The following NCS1 variants were observed in gnomAD, a reference collection of about 807,000 sequenced individuals.
NCS1 encodes frequenin homolog.
In NCS1, 6 loss-of-function variants were observed where a neutral mutation model predicts 28.4. The observed-to-expected ratio is 0.21, with a 90% confidence interval of 0.12 to 0.42. The LOEUF (loss-of-function observed/expected upper bound fraction) is 0.42. NCS1 is among the 10% of genes least tolerant of loss of function. The pLI is 1.00. For synonymous variants in NCS1, 86 were observed against 99.3 expected (o/e 0.87, Z 0.79); for missense variants, 131 against 241.4 (o/e 0.54, Z 3.03).
At chr9:130,221,447 G>GAGAA (rs1833300841) in intron 4 of NCS1, among the ~76,000 whole-genome samples, 9 of 140,404 alleles carry the variant, frequency 6.4e-5, no homozygotes, top group African/African-American at 1.6e-4. Flanking sequence ...GAGAGAGAGA[G>GAGAA]AGAGAAAGAG....
intron 2 of NCS1, among the ~76,000 whole-genome samples, chr9:130,208,961 T>A (rs1445200417): frequency 6.6e-6 from 1 of 152,068 alleles, no homozygotes; most frequent in Non-Finnish European, 1.5e-5. Context: ...GCCGGCTTCT[T>A]GCTTTCTTGC....
Position 130,177,725 on chromosome 9 carries a change from C to T in NCS1, c.64+4998C>T, listed in dbSNP as rs1227023140. The stretch of plus-strand genomic sequence containing the variant: ...GAAGTCCCTTGGCCTCTCTGAGCAC[C>T]AGCTTGCTCATCCTTCAGACCTGCC... On this transcript the variant is annotated intron_variant, in intron 1 of 7. Coordinates refer to ENST00000372398, the MANE Select transcript of NCS1 (RefSeq NM_014286.4). The surrounding 1 kb of genome is among the most constrained non-coding windows in gnomAD (Gnocchi z 4.4). Among the ~76,000 whole-genome samples the T allele has an allele frequency of 6.6e-6, 1 of 152,234 alleles. No individual in the cohort carries two copies.
At chr9:130,207,305 T>C (rs1040256295) in intron 2 of NCS1, among the ~76,000 whole-genome samples, 2 of 152,218 alleles carry the variant, frequency 1.3e-5, no homozygotes, top group Admixed American at 1.3e-4. Flanking sequence ...GCACCTTGCC[T>C]CGCCCACAGG....
chr9:130,200,528 C>G (rs1832927176), intron 1 of NCS1: 1 of 1,547,774 alleles, frequency 6.5e-7, no homozygotes, highest in African/African-American at 1.4e-5. Context: ...CCCCACCCCC[C>G]CACATAGGTG....
chr9:130,228,817 C>G (rs183769165), intron 7 of NCS1, among the ~76,000 whole-genome samples: 175 of 151,950 alleles, frequency 1.2e-3, no homozygotes, highest in Middle Eastern at 0.01. Flanking sequence ...TAGGCACCTG[C>G]CACCATGGCG....
At chr9:130,198,388 G>A (rs554321072) in intron 1 of NCS1, among the ~76,000 whole-genome samples, 23 of 152,310 alleles carry the variant, frequency 1.5e-4, no homozygotes, top group African/African-American at 5.3e-4. Flanking sequence ...GCACTGTGAG[G>A]CCCGCCTGAG....
intron 2 of NCS1, among the ~76,000 whole-genome samples, chr9:130,211,177 T>C (rs1833108211): frequency 1.3e-5 from 2 of 151,874 alleles, no homozygotes; most frequent in South Asian, 2.1e-4. Flanking sequence ...ACAGAGTTCC[T>C]GTATGCTCAA....
At chr9:130,203,136 A>ATATATATAT (rs1471670630) in intron 2 of NCS1, among the ~76,000 whole-genome samples, 10 of 108,456 alleles carry the variant, frequency 9.2e-5, no homozygotes, top group African/African-American at 3.5e-4. Context: ...ATATATATAT[A>ATATATATAT]TTTTTTTTTT....
intron 7 of NCS1, among the ~76,000 whole-genome samples, chr9:130,229,169 A>C (rs1408536094): frequency 6.6e-6 from 1 of 152,172 alleles, no homozygotes; most frequent in Admixed American, 6.6e-5. Context: ...AAAAGAATTG[A>C]ACACTTACAA....
In NCS1 at chr9:130,229,415, C is replaced by T. The variant is rs181471154; in HGVS notation, c.*17+2911C>T. 6.1e-3 allele frequency among the ~76,000 whole-genome samples: 927 copies of T among 151,940 alleles called. 1 individual carries two copies. The highest frequency in any genetic ancestry group is 9.7e-3 in the Non-Finnish European group (656 of 67,946). On this transcript the variant is annotated intron_variant, in intron 7 of 7. Coordinates refer to ENST00000372398, the MANE Select transcript of NCS1 (RefSeq NM_014286.4). ...GATTACAGGTGCTTGCCACCACGCC[C>T]GGCTAATTTTTGTACTTTTAGTAGA...
At chr9:130,214,191 C>G (rs1329544380) in intron 2 of NCS1, among the ~76,000 whole-genome samples, 1 of 152,202 alleles carries the variant, frequency 6.6e-6, no homozygotes, top group Non-Finnish European at 1.5e-5. Flanking sequence ...CTGGGACAGA[C>G]AAGTGGGCAG....
intron 2 of NCS1, among the ~76,000 whole-genome samples, chr9:130,201,701 C>A (rs797026796): frequency 3.3e-4 from 50 of 152,190 alleles, no homozygotes; most frequent in African/African-American, 1.1e-3. Flanking sequence ...GGCCGGGCAC[C>A]CCCCAGGAGC....
At chr9:130,218,517 C>T (rs567097171) in intron 3 of NCS1, among the ~76,000 whole-genome samples, 2 of 152,298 alleles carry the variant, frequency 1.3e-5, no homozygotes, top group South Asian at 4.1e-4. Flanking sequence ...AATGCAAATA[C>T]CTCCCATGAT....
intron 1 of NCS1, among the ~76,000 whole-genome samples, chr9:130,185,245 A>C (rs1417626982): frequency 6.6e-6 from 1 of 152,254 alleles, no homozygotes; most frequent in Admixed American, 6.5e-5. Context: ...ATCTTATTGC[A>C]TGACTGCGTC....
chr9:130,200,826 G>T, intron 1 of NCS1, 132 bp from the exon 2 acceptor site: 1 of 1,458,096 alleles, frequency 6.9e-7, no homozygotes, highest in South Asian at 1.1e-5. Flanking sequence ...TTCTCATCCA[G>T]AGCAGGCCGT....
At chr9:130,231,584 A>G (rs1268082207) in intron 7 of NCS1, among the ~76,000 whole-genome samples, 3 of 151,984 alleles carry the variant, frequency 2.0e-5, no homozygotes, top group East Asian at 3.9e-4. Flanking sequence ...GGGTTTCACC[A>G]TGTTGGCCAG....
In NCS1 at chr9:130,177,407, G is replaced by A. The variant is rs1223595840; in HGVS notation, c.64+4680G>A. The stretch of plus-strand genomic sequence containing the variant: ...CAAAGCTGGGGGTTGTGTGATGGCT[G>A]CGTGGGGACATGGAGGGCCCACAGC... On this transcript the variant is annotated intron_variant, in intron 1 of 7. Coordinates refer to ENST00000372398, the MANE Select transcript of NCS1 (RefSeq NM_014286.4). This position sits in a 1 kb window ranked among gnomAD's most constrained non-coding sequence, Gnocchi z 4.4. 6.6e-6 allele frequency among the ~76,000 whole-genome samples: 1 copy of A among 152,210 alleles called. No homozygotes were observed. Among genetic ancestry groups the A allele is most frequent in the Non-Finnish European group, 1.5e-5 (1 of 68,032 alleles).
At chr9:130,223,258 C>A in intron 6 of NCS1, 99 bp downstream of exon 6, 1 of 1,121,622 alleles carries the variant, frequency 8.9e-7, no homozygotes, top group Non-Finnish European at 1.3e-6. Flanking sequence ...TGCTGCCAAC[C>A]TCCTCCATGG....
intron 1 of NCS1, among the ~76,000 whole-genome samples, chr9:130,174,023 T>C (rs1264555572): frequency 2.6e-5 from 4 of 152,188 alleles, no homozygotes; most frequent in African/African-American, 4.8e-5. Context: ...CAAGAGCTGC[T>C]ACCTGGAAGG....
Sources: allele counts gnomAD v4.1 joint callset (sites outside exome capture counted in the v4.1 genomes callset), GRCh38; gene constraint gnomAD v4.1.1; non-coding constraint Gnocchi (gnomAD v3.1); transcripts MANE v1.5; gene names NCBI Gene and HGNC (gene_info 2026-07-23, HGNC 2026-07-21).